Variants in FBXW7 observed in about 807,000 individuals in gnomAD.
The protein encoded by FBXW7 is F-box/WD repeat-containing protein 7.
A neutral mutation model predicts 86.3 loss-of-function variants in FBXW7; 11 were observed. That is an observed-to-expected ratio of 0.13 (90% CI 0.08 to 0.21). The LOEUF is 0.21. FBXW7 is among the 10% of genes least tolerant of loss of function. FBXW7 has a pLI of 1.00. For synonymous variants in FBXW7, 313 were observed against 297.9 expected (o/e 1.05, Z -0.52); for missense variants, 488 against 847.4 (o/e 0.58, Z 5.27).
intron 2 of FBXW7, among the ~76,000 whole-genome samples, chr4:152,528,210 CTCTT>C (rs1749701398): frequency 6.6e-6 from 1 of 152,112 alleles, no homozygotes; most frequent in African/African-American, 2.4e-5. Context: ...AACATGCTAT[CTCTT>C]TCTTACAGCC....
chr4:152,338,371 C>T (rs538037714), intron 6 of FBXW7, among the ~76,000 whole-genome samples: 1 of 151,892 alleles, frequency 6.6e-6, no homozygotes, highest in Non-Finnish European at 1.5e-5. Flanking sequence ...TGAAAGGAGA[C>T]GAGCAGCATC....
chr4:152,457,615 G>C (rs2149623530), intron 2 of FBXW7, among the ~76,000 whole-genome samples: 2 of 137,394 alleles, frequency 1.5e-5, no homozygotes, highest in South Asian at 4.6e-4. Context: ...CTGCACTCCA[G>C]CCTGGGTGAC....
intron 7 of FBXW7, among the ~76,000 whole-genome samples, chr4:152,335,566 A>T (rs1486899895): frequency 1.3e-5 from 2 of 152,240 alleles, no homozygotes; most frequent in Non-Finnish European, 2.9e-5. Flanking sequence ...GGTAAAACCC[A>T]GATTAGTATT....
chr4:152,532,651 T>A (rs1052093715), intron 2 of FBXW7, among the ~76,000 whole-genome samples: 1 of 152,250 alleles, frequency 6.6e-6, no homozygotes, highest in Non-Finnish European at 1.5e-5. Context: ...CAATTAGTTC[T>A]ATATGTACAC....
At chr4:152,358,479 G>C (rs1179790630) in intron 4 of FBXW7, among the ~76,000 whole-genome samples, 1 of 148,766 alleles carries the variant, frequency 6.7e-6, no homozygotes, top group Non-Finnish European at 1.5e-5. Flanking sequence ...GATTAGTCAT[G>C]ATAAAAAAGT....
chr4:152,399,666 A>G (rs1386701903), intron 4 of FBXW7, among the ~76,000 whole-genome samples: 1 of 152,204 alleles, frequency 6.6e-6, no homozygotes, highest in Non-Finnish European at 1.5e-5. Context: ...ACCAGCAATG[A>G]AAAAGTGAAA....
At chr4:152,343,351 T>C (rs1730926634) in intron 6 of FBXW7, among the ~76,000 whole-genome samples, 1 of 152,086 alleles carries the variant, frequency 6.6e-6, no homozygotes, top group Admixed American at 6.6e-5. Flanking sequence ...ATTTCTGAGG[T>C]CCACTAAGAT....
intron 2 of FBXW7, among the ~76,000 whole-genome samples, chr4:152,478,237 C>T (rs1324246124): frequency 2.0e-5 from 3 of 152,006 alleles, no homozygotes; most frequent in Admixed American, 2.0e-4. Flanking sequence ...CTCATTCCTC[C>T]CTCACCCTAG....
chr4:152,324,515 A>C, intron 12 of FBXW7, 121 bp from the exon 13 acceptor site: 1 of 746,176 alleles, frequency 1.3e-6, no homozygotes, highest in South Asian at 1.8e-5. Flanking sequence ...GAACAAAATG[A>C]GGTACTAAGA....
At chr4:152,411,191 T>C in intron 4 of FBXW7, 112 bp downstream of exon 4, 3 of 1,333,246 alleles carry the variant, frequency 2.3e-6, no homozygotes, top group Non-Finnish European at 2.0e-6. Context: ...ATTTTATTAT[T>C]ACACATCTTA....
At chr4:152,487,105 C>A (rs1158141437) in intron 2 of FBXW7, among the ~76,000 whole-genome samples, 1 of 152,020 alleles carries the variant, frequency 6.6e-6, no homozygotes, top group African/African-American at 2.4e-5. Context: ...AAGAAGAATG[C>A]CAGCTAATAA....
At chr4:152,441,384 T>C in intron 2 of FBXW7, among the ~76,000 whole-genome samples, 1 of 152,144 alleles carries the variant, frequency 6.6e-6, no homozygotes, top group East Asian at 1.9e-4. Flanking sequence ...TGCTTAAAGG[T>C]TCAATTTCTT....
At chr4:152,357,304 T>A (rs1335981885) in intron 4 of FBXW7, among the ~76,000 whole-genome samples, 1 of 151,970 alleles carries the variant, frequency 6.6e-6, no homozygotes, top group Non-Finnish European at 1.5e-5. Flanking sequence ...TTTAATATAA[T>A]TACAGAAGTA....
chr4:152,414,834 T>C (rs1356334040), intron 2 of FBXW7, among the ~76,000 whole-genome samples: 3 of 152,054 alleles, frequency 2.0e-5, no homozygotes, highest in Non-Finnish European at 4.4e-5. Context: ...GGTATAATAA[T>C]TTTGCTCTTC....
At position 152,533,274 on chromosome 4, in the gene FBXW7, T is replaced by G. The variant is rs941716280; in HGVS notation, c.-120+1667A>C. 5.3e-5 allele frequency among the ~76,000 whole-genome samples: 8 copies of G among 151,976 alleles called. No homozygotes were observed. In the South Asian group the frequency reaches 1.7e-3, roughly 31 times the overall value. ...AAGTTAGTAAGCAACTTTGACAGAG[T>G]GCAACCTACATTCAAACTATAGTTT... On this transcript the variant is annotated intron_variant, in intron 2 of 13. Coordinates refer to ENST00000281708, the MANE Select transcript of FBXW7 (RefSeq NM_001349798.2).
rs372067654 is a variant in FBXW7, at chr4:152,346,911, C to G, written c.726+19G>C. The G allele has an allele frequency of 4.3e-6, 7 of 1,609,380 alleles. No homozygotes were observed. Among genetic ancestry groups the G allele is most frequent in the Non-Finnish European group, 5.1e-6 (6 of 1,178,370 alleles). On this transcript the variant is annotated intron_variant, in intron 6 of 13. Coordinates refer to ENST00000281708, the MANE Select transcript of FBXW7 (RefSeq NM_001349798.2). Reference sequence around the variant, plus strand: ...GCAATTAAGTGAGGCATTTCAAGTACTATGTTTAGATATGTCACCTGAAAC... The same window carrying G: ...GCAATTAAGTGAGGCATTTCAAGTAGTATGTTTAGATATGTCACCTGAAAC...
rs777039703 is a variant in FBXW7, at chr4:152,322,844, C to T, written c.*37G>A. On this transcript the variant is annotated 3_prime_UTR_variant, in exon 14 of 14. Transcript: ENST00000281708. The stretch of plus-strand genomic sequence containing the variant: ...GCAGGGGGAAGGGCAGGGAGTATAT[C>T]GTCTACACAATTGGACAAATTCATC... The T allele has an allele frequency of 1.6e-5, 26 of 1,609,660 alleles. No homozygotes were observed. Among genetic ancestry groups the T allele is most frequent in the South Asian group, 1.1e-4 (10 of 90,822 alleles).
intron 2 of FBXW7, among the ~76,000 whole-genome samples, chr4:152,483,765 T>C (rs1242896429): frequency 6.6e-6 from 1 of 152,004 alleles, no homozygotes; most frequent in Non-Finnish European, 1.5e-5. Context: ...ACACACACAC[T>C]TGCATGTGTA....
chr4:152,530,826 C>CTTG (rs1432765042), intron 2 of FBXW7: 3 of 152,218 alleles, frequency 2.0e-5, no homozygotes, highest in Non-Finnish European at 4.4e-5. Context: ...CATTCACTTC[C>CTTG]TTGTTGTCTA....
Sources: gnomAD v4.1 joint callset for allele counts (sites outside exome capture counted in the v4.1 genomes callset) on GRCh38, gnomAD v4.1.1 for gene constraint, MANE v1.5 for transcripts, NCBI Gene and HGNC (gene_info 2026-07-23, HGNC 2026-07-21) for gene names.